CRIP3: variants seen among roughly 807,000 people sequenced by gnomAD.
CRIP3 encodes cysteine rich protein 3.
A neutral mutation model predicts 30.3 loss-of-function variants in CRIP3; 23 were observed. The ratio of observed to expected loss-of-function variants is 0.76; its 90% confidence interval spans 0.55 to 1.08. The LOEUF (loss-of-function observed/expected upper bound fraction) is 1.08, where lower values mean the gene tolerates loss of function less well. CRIP3 is among the 50% of genes least tolerant of loss of function. CRIP3 has a pLI of 0.00. For synonymous variants in CRIP3, 89 were observed against 97.6 expected, an observed-to-expected ratio of 0.91 and a Z score of 0.52; for missense variants, 261 against 259.3, an observed-to-expected ratio of 1.01 and a Z score of -0.04.
At chr6:43,306,766 G>A (rs951190340) in intron 4 of CRIP3, 9 of 466,558 alleles carry the variant, frequency 1.9e-5, no homozygotes. Context: ...AGGGGCTCAC[G>A]TACCCACCAT....
chr6:43,307,367 T>C (rs1778964038), intron 4 of CRIP3: 1 of 308,164 alleles, frequency 3.2e-6, no homozygotes, highest in South Asian at 1.5e-4. Context: ...CTCGAACTCC[T>C]GACCTCATGA....
intron 2 of CRIP3, 24 bp downstream of exon 2, chr6:43,308,291 C>G (rs370348134): frequency 3.2e-6 from 5 of 1,578,420 alleles, no homozygotes; most frequent in Admixed American, 1.7e-5. Flanking sequence ...GTAAACAGGG[C>G]AGTGCTCCCT....
chr6:43,308,537 A>C, intron 1 of CRIP3, 128 bp from the exon 2 acceptor site: 1 of 921,176 alleles, frequency 1.1e-6, no homozygotes, highest in Admixed American at 2.3e-5. Context: ...TGTCTCCAGG[A>C]GGCCAGCTCC....
intron 2 of CRIP3, 102 bp from the exon 3 acceptor site, chr6:43,307,998 T>A: frequency 1.6e-6 from 2 of 1,286,288 alleles, no homozygotes; most frequent in Non-Finnish European, 2.2e-6. Flanking sequence ...GTCCACTGGC[T>A]GAGTCTGGTG....
intron 1 of CRIP3, 152 bp downstream of exon 1, chr6:43,308,598 G>T: frequency 3.0e-6 from 3 of 1,014,550 alleles, no homozygotes; most frequent in South Asian, 1.5e-5. Flanking sequence ...GAAGGGAGAA[G>T]ACCCGAGTGG....
At position 43,306,439 on chromosome 6, in the gene CRIP3, T is replaced by C; in HGVS notation, c.400+7A>G. On this transcript the variant is annotated splice_region_variant and intron_variant, in intron 5 of 7. Transcript: ENST00000372569. Reference sequence around the variant, plus strand: ...TCCCCCTCCCCAAGTTTTCCACTGTTACTTACCAAAATAGACGGGCTCCCC... The same window carrying C: ...TCCCCCTCCCCAAGTTTTCCACTGTCACTTACCAAAATAGACGGGCTCCCC... 1 of 1,613,630 alleles carries C rather than the reference T, an allele frequency of 6.2e-7. No individual in the cohort carries two copies. Among genetic ancestry groups the C allele is most frequent in the Non-Finnish European group, 8.5e-7 (1 of 1,179,764 alleles).
At chr6:43,308,466 T>G in intron 1 of CRIP3, 57 bp from the exon 2 acceptor site, 2 of 1,463,102 alleles carry the variant, frequency 1.4e-6, no homozygotes, top group Non-Finnish European at 1.9e-6. Context: ...ATAGGGCCCC[T>G]CCTTTCCCTC....
chr6:43,306,519 T>C lies in CRIP3; in HGVS notation c.329-2A>G. 6.2e-7 allele frequency: 1 copy of C among 1,601,952 alleles called. No homozygotes were observed. The highest frequency in any genetic ancestry group is 1.1e-5 in the South Asian group (1 of 88,968). Reference sequence around the variant, plus strand: ...TGAATGTCTTCATATGGGGAGGGCCTTTAAAGGGGAAGAGGCCCTGGCTAT... The same window carrying C: ...TGAATGTCTTCATATGGGGAGGGCCCTTAAAGGGGAAGAGGCCCTGGCTAT... On this transcript the variant is annotated splice_acceptor_variant, in intron 4 of 7. Transcript: ENST00000372569. LOFTEE classifies it high-confidence loss of function.
chr6:43,308,490 G>C, intron 1 of CRIP3, 81 bp from the exon 2 acceptor site: 1 of 1,306,630 alleles, frequency 7.7e-7, no homozygotes, highest in Non-Finnish European at 1.1e-6. Flanking sequence ...GGCCCTCTAG[G>C]GAATTAGGTT....
chr6:43,308,331 G>A lies in CRIP3; in HGVS notation c.122C>T (p.Pro41Leu), dbSNP rs539152263. 5 of 1,612,818 alleles carry A rather than the reference G, an allele frequency of 3.1e-6. No individual in the cohort carries two copies. The highest frequency in any genetic ancestry group is 4.2e-6 in the Non-Finnish European group (5 of 1,179,580). ...AGGTCTTACCTCTGCATGCCCGCCA[G>A]GGGACAGGATGCTGTGGCAGCGCTC... ...KCERCHSILS[P>L]GGHAEHNGRP... The change falls in exon 2 of 8, where the codon CCT becomes CTT. Residue 41 changes from proline to leucine, a missense_variant. Transcript: ENST00000372569.
intron 2 of CRIP3, among the ~76,000 whole-genome samples, 184 bp downstream of exon 2, chr6:43,308,131 G>A (rs970383579): frequency 6.6e-6 from 1 of 152,060 alleles, no homozygotes; most frequent in Admixed American, 6.6e-5. Flanking sequence ...CAAAACCATG[G>A]GATCCACAGT....
chr6:43,306,378 TG>T, intron 5 of CRIP3, 65 bp from the exon 6 acceptor site: 1 of 1,605,708 alleles, frequency 6.2e-7, no homozygotes, highest in Non-Finnish European at 8.5e-7. Context: ...CTACCTGCCT[TG>T]GATCACCTCC....
At position 43,307,595 on chromosome 6, in the gene CRIP3, G is replaced by C. The variant is rs1313828420; in HGVS notation, c.328+17C>G. ...AGGGTCGGGAGGAGGACTGGGAGGA[G>C]CTGAGCCCAGCCTTACTTTTCTTGC... On this transcript the variant is annotated intron_variant, in intron 4 of 7. Transcript: ENST00000372569. 2 of 1,448,702 alleles carry C rather than the reference G, an allele frequency of 1.4e-6. No individual in the cohort carries two copies. The highest frequency in any genetic ancestry group is 2.9e-5 in the African/African-American group (2 of 69,970). 89.7% of individuals were successfully genotyped at this position (1,448,702 alleles called of 1,614,324 possible).
At chr6:43,307,945 TG>T (rs1166218438) in intron 2 of CRIP3, 49 bp from the exon 3 acceptor site, 1 of 1,601,098 alleles carries the variant, frequency 6.2e-7, no homozygotes, top group Non-Finnish European at 8.5e-7. Flanking sequence ...GCGGGAGCCA[TG>T]CCCCACAGGC....
In CRIP3 at chr6:43,306,093, C is replaced by T. The variant is rs142092139; in HGVS notation, c.527G>A (p.Cys176Tyr). Residue 176 changes from cysteine (C) to tyrosine (Y), a missense_variant, in exon 7 of 8, where the codon TGC becomes TAC. Transcript: ENST00000372569. ...TTTGGGGCCAAACAGGTAGCCGTAG[C>T]AGGGGACGTGGCAGTAGGGGACTCC... ...HDGVPYCHVP[C>Y]YGYLFGPKGV... The T allele has an allele frequency of 2.5e-6, 4 of 1,613,734 alleles. No individual in the cohort carries two copies. The African/African-American group carries it at 5.3e-5, about 22-fold the overall frequency.
intron 2 of CRIP3, 125 bp downstream of exon 2, chr6:43,308,190 G>A: frequency 1.2e-6 from 1 of 838,658 alleles, no homozygotes; most frequent in Non-Finnish European, 1.9e-6. Context: ...CCACCAGGTG[G>A]GCGGCCTTGG....
In CRIP3 at chr6:43,306,129, GAC is replaced by G. The variant is rs1330094167; in HGVS notation, c.496-7_496-6del. ...GCAGTAGGGGACTCCATCATGCTGA[GAC>G]ACAGAGAGAAAGAGAGCTGTCTCAG... On this transcript the variant is annotated splice_region_variant and splice_polypyrimidine_tract_variant and intron_variant, in intron 6 of 7. Coordinates refer to ENST00000372569, the MANE Select transcript of CRIP3 (RefSeq NM_206922.3). The G allele has an allele frequency of 1.2e-6, 2 of 1,613,896 alleles. No homozygotes were observed. The highest frequency in any genetic ancestry group is 2.2e-5 in the East Asian group (1 of 44,860).
In CRIP3 at chr6:43,305,792, G is replaced by C; in HGVS notation, c.*22C>G. 6.2e-7 allele frequency: 1 copy of C among 1,613,928 alleles called. No individual in the cohort carries two copies. Among genetic ancestry groups the C allele is most frequent in the Non-Finnish European group, 8.5e-7 (1 of 1,179,934 alleles). ...GGGCATGATGGGAGGCCTGAGTTAG[G>C]GTGACCTTTTTTGTGAGCGTCTCAT... is the stretch of plus-strand genomic sequence containing the variant. On this transcript the variant is annotated 3_prime_UTR_variant, in exon 8 of 8. Transcript: ENST00000372569.
At position 43,305,817 on chromosome 6, in the gene CRIP3, T is replaced by C. The variant is rs1175483619; in HGVS notation, c.612A>G (p.Lys204=). ...GGTGACCTTTTTTGTGAGCGTCTCA[T>C]TTGAATTTTATCTTCACTGGGTCAT... The part of the protein sequence containing the change: ...YIYDPVKIKF[K] Residue 204 remains lysine, a synonymous_variant, in exon 8 of 8, where the codon AAA becomes AAG. Coordinates refer to ENST00000372569, the MANE Select transcript of CRIP3 (RefSeq NM_206922.3). The C allele has an allele frequency of 1.9e-6, 3 of 1,613,972 alleles. No individual in the cohort carries two copies. The highest frequency in any genetic ancestry group is 1.3e-5 in the African/African-American group (1 of 74,872).
Sources: allele counts gnomAD v4.1 joint callset (sites outside exome capture counted in the v4.1 genomes callset), GRCh38; gene constraint gnomAD v4.1.1; transcripts MANE v1.5; gene names NCBI Gene and HGNC (gene_info 2026-07-23, HGNC 2026-07-21).